Variants in RCSD1 observed in about 807,000 individuals in gnomAD.
The protein encoded by RCSD1 is RCSD domain containing 1, also known as capZ-interacting protein.
Under a neutral mutation model 42.5 loss-of-function variants are expected in RCSD1, and 26 were observed. The ratio of observed to expected loss-of-function variants is 0.61; its 90% CI spans 0.45 to 0.85. The LOEUF is 0.85. Among genes scored for constraint, RCSD1 ranks in the 40% least tolerant of loss-of-function variants. The pLI is 0.00. For synonymous variants in RCSD1, 220 were observed against 212.2 expected (o/e 1.04, Z -0.32); for missense variants, 571 against 528.3 (o/e 1.08, Z -0.79).
intron 5 of RCSD1, among the ~76,000 whole-genome samples, chr1:167,696,823 A>G (rs938413460): frequency 6.6e-6 from 1 of 152,224 alleles, no homozygotes; most frequent in Non-Finnish European, 1.5e-5. Context: ...TTACAGTGCA[A>G]TAAAATCATG....
intron 1 of RCSD1, among the ~76,000 whole-genome samples, chr1:167,630,934 G>A (rs1422566977): frequency 6.6e-6 from 1 of 152,138 alleles, no homozygotes; most frequent in Non-Finnish European, 1.5e-5. Context: ...ATTTTAGAGA[G>A]TCCAGTTGTC....
chr1:167,659,020 G>A (rs1179410088), intron 1 of RCSD1, among the ~76,000 whole-genome samples: 1 of 152,048 alleles, frequency 6.6e-6, no homozygotes, highest in Non-Finnish European at 1.5e-5. Flanking sequence ...CAATATATGA[G>A]GGTTCCTTAT....
At chr1:167,637,746 A>ACT (rs1657896746) in intron 1 of RCSD1, among the ~76,000 whole-genome samples, 1 of 151,834 alleles carries the variant, frequency 6.6e-6, no homozygotes, top group African/African-American at 2.4e-5. Context: ...ACACACACAC[A>ACT]CACACACACA....
chr1:167,698,181 T>C (rs1659548424), intron 6 of RCSD1, among the ~76,000 whole-genome samples: 1 of 152,182 alleles, frequency 6.6e-6, no homozygotes, highest in Non-Finnish European at 1.5e-5. Flanking sequence ...TGCAGGAGCC[T>C]GGGCATGCTG....
intron 2 of RCSD1, among the ~76,000 whole-genome samples, 163 bp from the exon 3 acceptor site, chr1:167,685,253 GCAGTT>G (rs1231462504): frequency 6.6e-6 from 1 of 152,126 alleles, no homozygotes; most frequent in Non-Finnish European, 1.5e-5. Flanking sequence ...CCAAAGACAC[GCAGTT>G]CCCTTCCTCC....
rs558196242 is a variant in RCSD1 at position 167,699,545 on chromosome 1, T to C, written c.1218+1703T>C. 2.4e-4 allele frequency among the ~76,000 whole-genome samples: 36 copies of C among 152,320 alleles called. No homozygotes were observed. In the South Asian group the frequency reaches 5.6e-3, roughly 24 times the overall value. On this transcript the variant is annotated intron_variant, in intron 6 of 6. Coordinates refer to ENST00000367854, the MANE Select transcript of RCSD1 (RefSeq NM_052862.4). ...CCTTTCACTGTTACTGTGTGTCTCA[T>C]AGTCCCCCTCCTCCCCCTTATAAAG...
At chr1:167,648,462 A>G (rs10489193) in intron 1 of RCSD1, among the ~76,000 whole-genome samples, 15,104 of 152,202 alleles carry the variant, frequency 0.099, 1,853 homozygotes, top group African/African-American at 0.29. Context: ...TTGCAGGCTC[A>G]GCGAGATGTG....
chr1:167,673,889 T>C (rs1658872626), intron 1 of RCSD1, among the ~76,000 whole-genome samples: 1 of 152,230 alleles, frequency 6.6e-6, no homozygotes. Context: ...AGACTCTGCG[T>C]AAACATCACT....
chr1:167,697,786 G>T lies in RCSD1; in HGVS notation c.1162G>T (p.Ala388Ser). Residue 388 changes from alanine (A) to serine (S), a missense_variant, in exon 6 of 7, where the codon GCC becomes TCC. By Grantham distance (99) the Ala-to-Ser change is moderately conservative. Coordinates refer to ENST00000367854, the MANE Select transcript of RCSD1 (RefSeq NM_052862.4). ...EPGCSPQTGPAQLETSSEVQS... is the reference protein window; with the variant it reads ...EPGCSPQTGPSQLETSSEVQS... The stretch of plus-strand genomic sequence containing the variant: ...AGGCTGCAGCCCCCAGACCGGCCCT[G>T]CCCAGCTGGAGACCAGCAGTGAGGT... 6.7e-7 allele frequency: 1 copy of T among 1,488,580 alleles called. No individual in the cohort carries two copies. Among genetic ancestry groups the T allele is most frequent in the Non-Finnish European group, 8.9e-7 (1 of 1,121,220 alleles). 92.2% of individuals were successfully genotyped at this position (1,488,580 alleles called of 1,614,324 possible).
At chr1:167,630,576 G>A in intron 1 of RCSD1, 147 bp downstream of exon 1, 1 of 859,616 alleles carries the variant, frequency 1.2e-6, no homozygotes, top group Non-Finnish European at 1.6e-6. Flanking sequence ...CTGTTCCGAC[G>A]CCTCCTTGAC....
chr1:167,701,276 CTTT>C, intron 6 of RCSD1, among the ~76,000 whole-genome samples: 1 of 142,898 alleles, frequency 7.0e-6, no homozygotes, highest in Non-Finnish European at 1.5e-5. Context: ...TTCTTTCTTT[CTTT>C]CTTTCTTTCT....
chr1:167,664,902 G>A (rs926710611), intron 1 of RCSD1: 1 of 152,198 alleles, frequency 6.6e-6, no homozygotes, highest in Non-Finnish European at 1.5e-5. Context: ...GCCAGGCGTG[G>A]TGGCGCATGC....
intron 1 of RCSD1, among the ~76,000 whole-genome samples, chr1:167,666,210 A>G (rs1386078874): frequency 6.6e-6 from 1 of 152,150 alleles, no homozygotes; most frequent in African/African-American, 2.4e-5. Flanking sequence ...TAATAAACCA[A>G]CTGAGCATGG....
intron 5 of RCSD1, among the ~76,000 whole-genome samples, chr1:167,695,170 GC>G (rs964236952): frequency 3.7e-4 from 57 of 152,364 alleles, no homozygotes; most frequent in African/African-American, 1.3e-3. Flanking sequence ...GCCGGCTAGG[GC>G]CAGAGTGGAA....
intron 6 of RCSD1, among the ~76,000 whole-genome samples, chr1:167,699,182 G>T (rs72697744): frequency 0.044 from 6,660 of 152,178 alleles, 205 homozygotes; most frequent in Middle Eastern, 0.12. Flanking sequence ...AGCAGGTTTG[G>T]TTTGTTTTTT....
At chr1:167,689,289 C>A (rs999793868) in intron 3 of RCSD1, among the ~76,000 whole-genome samples, 1 of 152,060 alleles carries the variant, frequency 6.6e-6, no homozygotes, top group Admixed American at 6.5e-5. Context: ...CGAGACCAAC[C>A]TGGCCAACAT....
At chr1:167,665,700 T>A (rs563662641) in intron 1 of RCSD1, among the ~76,000 whole-genome samples, 2 of 152,378 alleles carry the variant, frequency 1.3e-5, no homozygotes, top group Non-Finnish European at 2.9e-5. Context: ...TTAATTTGTG[T>A]TTACCTAATG....
chr1:167,702,205 G>A (rs7541226), intron 6 of RCSD1, among the ~76,000 whole-genome samples: 42,229 of 152,140 alleles, frequency 0.28, 5,890 homozygotes, highest in Middle Eastern at 0.31. Flanking sequence ...GAAGCACAAA[G>A]GCTGGAGCAA....
At chr1:167,695,329 G>A (rs1659472331) in intron 5 of RCSD1, among the ~76,000 whole-genome samples, 1 of 152,208 alleles carries the variant, frequency 6.6e-6, no homozygotes. Flanking sequence ...GCAGCAAGAG[G>A]AAGTTATTTT....
Sources: gnomAD v4.1 joint callset for allele counts (sites outside exome capture counted in the v4.1 genomes callset) on GRCh38, gnomAD v4.1.1 for gene constraint, MANE v1.5 for transcripts, NCBI Gene and HGNC (gene_info 2026-07-23, HGNC 2026-07-21) for gene names.